MACROH2A1: variants seen among roughly 807,000 people sequenced by gnomAD.
The protein encoded by MACROH2A1 is core histone macro-H2A.1.
MACROH2A1 carries 2 observed loss-of-function variants against 31.6 expected under a neutral mutation model. The ratio of observed to expected loss-of-function variants is 0.06; its 90% CI spans 0.03 to 0.20. MACROH2A1 has a LOEUF of 0.20. Among genes scored for constraint, MACROH2A1 ranks in the 10% least tolerant of loss-of-function variants. The pLI is 1.00. For synonymous variants in MACROH2A1, 169 were observed against 189.6 expected, an observed-to-expected ratio of 0.89 and a Z score of 0.89; for missense variants, 230 against 474.0, an observed-to-expected ratio of 0.49 and a Z score of 4.78.
At chr5:135,350,685 C>T in intron 6 of MACROH2A1, 1 of 578,978 alleles carries the variant, frequency 1.7e-6, no homozygotes, top group Non-Finnish European at 3.1e-6. Context: ...GTTCACAACC[C>T]AGGGACAGGA....
intron 2 of MACROH2A1, among the ~76,000 whole-genome samples, chr5:135,373,265 T>C (rs939660103): frequency 6.6e-6 from 1 of 152,034 alleles, no homozygotes; most frequent in Non-Finnish European, 1.5e-5. Context: ...CACTTTTTTT[T>C]TGTGCAGGAA....
chr5:135,359,808 T>G (rs1362574314), intron 5 of MACROH2A1: 1 of 949,782 alleles, frequency 1.1e-6, no homozygotes, highest in Non-Finnish European at 1.3e-6. Flanking sequence ...CACCCCTTTT[T>G]GATGTCAATA....
At chr5:135,367,957 G>C (rs1763725925) in intron 4 of MACROH2A1, among the ~76,000 whole-genome samples, 1 of 152,226 alleles carries the variant, frequency 6.6e-6, no homozygotes, top group Non-Finnish European at 1.5e-5. Flanking sequence ...GGAATGAGCA[G>C]TGGCGCATTC....
intron 5 of MACROH2A1, chr5:135,353,749 C>T (rs776669867): frequency 6.6e-6 from 1 of 152,168 alleles, no homozygotes; most frequent in East Asian, 1.9e-4. Context: ...CAATGGGTGG[C>T]TTATTGAGCA....
chr5:135,393,921 A>C (rs1561678388), intron 1 of MACROH2A1, among the ~76,000 whole-genome samples: 1 of 152,228 alleles, frequency 6.6e-6, no homozygotes, highest in Admixed American at 6.5e-5. Context: ...AGCTGGATGG[A>C]GAGATGAGTC....
At chr5:135,397,714 G>A (rs1385118379) in intron 1 of MACROH2A1, among the ~76,000 whole-genome samples, 2 of 152,194 alleles carry the variant, frequency 1.3e-5, no homozygotes, top group Non-Finnish European at 2.9e-5. Context: ...TGTGTACAAT[G>A]GGTATTAATT....
At chr5:135,343,759 T>G (rs1299583108) in intron 7 of MACROH2A1, 2 of 336,420 alleles carry the variant, frequency 5.9e-6, no homozygotes, top group Non-Finnish European at 1.1e-5. Flanking sequence ...GAACGCAAAC[T>G]CAACGTGTCA....
chr5:135,380,952 T>C (rs1344709380), intron 2 of MACROH2A1, among the ~76,000 whole-genome samples: 4 of 152,234 alleles, frequency 2.6e-5, no homozygotes, highest in African/African-American at 9.6e-5. Context: ...TTGGTGTTAT[T>C]ACTTATTAGA....
At chr5:135,354,178 C>T (rs1417970958) in intron 5 of MACROH2A1, 1 of 152,220 alleles carries the variant, frequency 6.6e-6, no homozygotes, top group Admixed American at 6.5e-5. Context: ...AGGAGCTCAC[C>T]CAGGAGAGGG....
chr5:135,343,741 A>C, intron 7 of MACROH2A1: 1 of 371,424 alleles, frequency 2.7e-6, no homozygotes, highest in Non-Finnish European at 5.0e-6. Flanking sequence ...ATCCATCAAA[A>C]CTCAACTGAA....
intron 2 of MACROH2A1, among the ~76,000 whole-genome samples, chr5:135,373,626 C>T (rs559489010): frequency 1.2e-4 from 19 of 152,232 alleles, no homozygotes; most frequent in Non-Finnish European, 2.2e-4. Context: ...TAAGGAGGGG[C>T]AGAAGGAGGA....
At chr5:135,382,324 T>G (rs1012167528) in intron 2 of MACROH2A1, among the ~76,000 whole-genome samples, 2 of 152,196 alleles carry the variant, frequency 1.3e-5, no homozygotes, top group African/African-American at 2.4e-5. Flanking sequence ...CCCTTCAAAG[T>G]GATATCATGA....
At chr5:135,379,821 C>T (rs989695764) in intron 2 of MACROH2A1, among the ~76,000 whole-genome samples, 4 of 152,162 alleles carry the variant, frequency 2.6e-5, no homozygotes, top group Non-Finnish European at 5.9e-5. Context: ...GGGTCCCACT[C>T]CTGGGACACT....
intron 2 of MACROH2A1, among the ~76,000 whole-genome samples, chr5:135,379,737 T>C (rs1037582503): frequency 2.0e-5 from 3 of 152,294 alleles, no homozygotes; most frequent in Middle Eastern, 3.4e-3. Context: ...TCCTTCTCCT[T>C]TCAGTGACAA....
chr5:135,390,229 G>C (rs1293226488), intron 1 of MACROH2A1, among the ~76,000 whole-genome samples: 1 of 152,152 alleles, frequency 6.6e-6, no homozygotes, highest in Non-Finnish European at 1.5e-5. Context: ...CCCAAATGTT[G>C]AGATCTGGCT....
chr5:135,388,874 T>G, intron 2 of MACROH2A1, 48 bp downstream of exon 2: 1 of 1,464,982 alleles, frequency 6.8e-7, no homozygotes, highest in Non-Finnish European at 9.3e-7. Context: ...CTATGAGAAC[T>G]TCTGCATCTT....
chr5:135,353,183 A>C (rs879742628), intron 5 of MACROH2A1, 138 bp from the exon 6 acceptor site: 2 of 643,218 alleles, frequency 3.1e-6, no homozygotes, highest in Non-Finnish European at 5.7e-6. Flanking sequence ...TGCTGGCTCA[A>C]ATGAACCCAT....
At chr5:135,366,632 A>G (rs1282247151) in intron 4 of MACROH2A1, among the ~76,000 whole-genome samples, 1 of 152,128 alleles carries the variant, frequency 6.6e-6, no homozygotes, top group African/African-American at 2.4e-5. Flanking sequence ...ACATCTCTAT[A>G]TGCTTTTATA....
At position 135,367,451 on chromosome 5, in the gene MACROH2A1, T is replaced by C. The variant is rs116806518; in HGVS notation, c.477+1955A>G. ...TATTAGAAACACTAAGTTCCAAATA[T>C]AGCTACTAGGAGCTAAAGACACCCC... On this transcript the variant is annotated intron_variant, in intron 4 of 8. Coordinates refer to ENST00000511689, the MANE Select transcript of MACROH2A1 (RefSeq NM_138610.3). Among the ~76,000 whole-genome samples, 1,214 of 152,334 alleles carry C rather than the reference T, an allele frequency of 8.0e-3. 19 individuals carry two copies. The highest frequency in any genetic ancestry group is 0.028 in the African/African-American group (1,160 of 41,568).
Sources: gnomAD v4.1 joint callset for allele counts (sites outside exome capture counted in the v4.1 genomes callset) on GRCh38, gnomAD v4.1.1 for gene constraint, MANE v1.5 for transcripts, NCBI Gene and HGNC (gene_info 2026-07-23, HGNC 2026-07-21) for gene names.